CACNA1C: variants seen among roughly 807,000 people sequenced by gnomAD.
CACNA1C encodes the protein voltage-dependent L-type calcium channel subunit alpha-1C.
In CACNA1C, 30 loss-of-function variants were observed where a neutral mutation model predicts 229.0. The observed-to-expected ratio is 0.13, with a 90% CI of 0.10 to 0.18. CACNA1C has a LOEUF of 0.18. Among genes scored for constraint, CACNA1C ranks in the 10% least tolerant of loss-of-function variants. The probability of loss-of-function intolerance (pLI) is 1.00; values close to 1 mark genes in which losing one functional copy is unlikely to be tolerated. For synonymous variants in CACNA1C, 1,114 were observed against 1,132.5 expected, an observed-to-expected ratio of 0.98 and a Z score of 0.33; for missense variants, 1,658 against 2,845.0, an observed-to-expected ratio of 0.58 and a Z score of 9.49.
At chr12:2,242,128 G>A (rs528392669) in intron 3 of CACNA1C, among the ~76,000 whole-genome samples, 125 of 152,018 alleles carry the variant, frequency 8.2e-4, no homozygotes, top group Non-Finnish European at 1.7e-3. Context: ...CCACCTCCAC[G>A]CTCAGTTTTC....
At chr12:2,094,149 G>A (rs909768725) in intron 1 of CACNA1C, among the ~76,000 whole-genome samples, 1 of 152,348 alleles carries the variant, frequency 6.6e-6, no homozygotes, top group East Asian at 1.9e-4. Context: ...AAAGAGCCTG[G>A]TATTCAAGGG....
intron 13 of CACNA1C, among the ~76,000 whole-genome samples, chr12:2,571,428 CTT>C (rs778796391): frequency 3.3e-5 from 5 of 152,142 alleles, no homozygotes; most frequent in Non-Finnish European, 5.9e-5. Flanking sequence ...TTCAATGCCT[CTT>C]AAATAATTCT....
chr12:2,511,366 A>G (rs1416679688), intron 8 of CACNA1C, among the ~76,000 whole-genome samples: 2 of 152,200 alleles, frequency 1.3e-5, no homozygotes, highest in South Asian at 2.1e-4. Context: ...GCTGCCCCAC[A>G]TGACAGTAGA....
chr12:2,307,517 G>A (rs1200154929), intron 3 of CACNA1C, among the ~76,000 whole-genome samples: 2 of 152,138 alleles, frequency 1.3e-5, no homozygotes, highest in African/African-American at 4.8e-5. Flanking sequence ...AGGGTGCTGG[G>A]GCCGAGATTC....
chr12:2,212,886 G>C (rs1008522600), intron 3 of CACNA1C, among the ~76,000 whole-genome samples: 1 of 152,210 alleles, frequency 6.6e-6, no homozygotes, highest in Admixed American at 6.5e-5. Flanking sequence ...TCTGACATCA[G>C]AGCCAAACTG....
intron 3 of CACNA1C, among the ~76,000 whole-genome samples, chr12:2,134,576 G>A (rs2154178398): frequency 7.2e-6 from 1 of 138,082 alleles, no homozygotes; most frequent in African/African-American, 2.7e-5. Flanking sequence ...AGCTTAGCTT[G>A]GCTGGATATG....
chr12:2,058,091 C>T (rs2055940979), intron 1 of CACNA1C, among the ~76,000 whole-genome samples: 1 of 152,180 alleles, frequency 6.6e-6, no homozygotes, highest in Non-Finnish European at 1.5e-5. Context: ...TGATGTTTTC[C>T]AGCGCCTGGC....
Position 2,117,700 on chromosome 12 carries a change from A to G in CACNA1C, c.371+2155A>G, listed in dbSNP as rs372886024. Among the ~76,000 whole-genome samples the G allele has an allele frequency of 4.6e-5, 7 of 152,374 alleles. No homozygotes were observed. The East Asian group carries it at 1.2e-3, about 25-fold the overall frequency. Reference sequence around the variant, plus strand: ...TACTAGGTGGGACCGGTGAGGTCTTAGGAGGATGCTCAGGGCCTGCAGTCC... The same window carrying G: ...TACTAGGTGGGACCGGTGAGGTCTTGGGAGGATGCTCAGGGCCTGCAGTCC... On this transcript the variant is annotated intron_variant, in intron 2 of 46. Coordinates refer to ENST00000399655, the MANE Select transcript of CACNA1C (RefSeq NM_000719.7).
intron 3 of CACNA1C, among the ~76,000 whole-genome samples, chr12:2,210,269 C>T (rs2097879878): frequency 6.6e-6 from 1 of 152,210 alleles, no homozygotes. Context: ...ATTAGGGTCA[C>T]AGACCTTTAT....
At chr12:2,081,862 A>G (rs1378757301) in intron 1 of CACNA1C, among the ~76,000 whole-genome samples, 1 of 152,224 alleles carries the variant, frequency 6.6e-6, no homozygotes, top group Non-Finnish European at 1.5e-5. Context: ...AAGAAAGCAG[A>G]CAGAAATACC....
chr12:2,068,277 T>C (rs936106587), intron 1 of CACNA1C, among the ~76,000 whole-genome samples: 30 of 152,166 alleles, frequency 2.0e-4, no homozygotes, highest in Non-Finnish European at 4.4e-5. Context: ...GACCAGCAGG[T>C]ACCCCCCAGA....
chr12:2,354,624 G>A lies in CACNA1C; in HGVS notation c.478-94352G>A, dbSNP rs180995307. ...CTTCTGGTTGGGAGAGCCCAGGAAC[G>A]GAGTCCATCCTTTCTCCTGGCCTCC... On this transcript the variant is annotated intron_variant, in intron 3 of 46. Transcript: ENST00000399655. The surrounding 1 kb of genome is among the most constrained non-coding windows in gnomAD (Gnocchi z 4.6). 1.1e-4 allele frequency among the ~76,000 whole-genome samples: 16 copies of A among 152,288 alleles called. No homozygotes were observed. Among genetic ancestry groups the A allele is most frequent in the Non-Finnish European group, 2.1e-4 (14 of 68,010 alleles).
chr12:2,461,382 G>A (rs181715577), intron 5 of CACNA1C, among the ~76,000 whole-genome samples: 14 of 152,222 alleles, frequency 9.2e-5, no homozygotes, highest in East Asian at 5.8e-4. Flanking sequence ...GCTGACTTCT[G>A]TCTCATCTTC....
chr12:2,438,595 G>A (rs2099181228), intron 3 of CACNA1C, among the ~76,000 whole-genome samples: 1 of 152,188 alleles, frequency 6.6e-6, no homozygotes, highest in South Asian at 2.1e-4. Flanking sequence ...TTTGGGTGTG[G>A]TGAGCCTTTG....
intron 3 of CACNA1C, among the ~76,000 whole-genome samples, chr12:2,392,892 C>T (rs4441076): frequency 0.43 from 64,909 of 151,952 alleles, 13,995 homozygotes; most frequent in South Asian, 0.46. Context: ...TCTTTATGTC[C>T]ATCTGGGCTT....
intron 3 of CACNA1C, among the ~76,000 whole-genome samples, chr12:2,163,438 C>T (rs1171616917): frequency 6.6e-6 from 1 of 152,018 alleles, no homozygotes; most frequent in Non-Finnish European, 1.5e-5. Context: ...ACCCAGCGCT[C>T]CTTTTTTTTT....
chr12:2,233,272 TGGGGGTAATTTCAA>T (rs1310061375), intron 3 of CACNA1C, among the ~76,000 whole-genome samples: 1 of 152,238 alleles, frequency 6.6e-6, no homozygotes, highest in Non-Finnish European at 1.5e-5. Flanking sequence ...GTGACTCATC[TGGGGGTAATTTCAA>T]ATTCTATTGA....
rs1312249420 is a variant in CACNA1C at position 2,319,568 on chromosome 12, G to A, written c.478-129408G>A. 6.6e-6 allele frequency among the ~76,000 whole-genome samples: 1 copy of A among 152,172 alleles called. No homozygotes were observed. The highest frequency in any genetic ancestry group is 1.5e-5 in the Non-Finnish European group (1 of 68,028). On this transcript the variant is annotated intron_variant, in intron 3 of 46. Coordinates refer to ENST00000399655, the MANE Select transcript of CACNA1C (RefSeq NM_000719.7). This position sits in a 1 kb window ranked among gnomAD's most constrained non-coding sequence, Gnocchi z 4.0. The stretch of plus-strand genomic sequence containing the variant: ...GGTCTCCACTCAGGGGCATTGCCGG[G>A]TGAGCCTGAGATAAGGGTGTAGCTC...
At chr12:2,473,410 C>T (rs954226129) in intron 5 of CACNA1C, among the ~76,000 whole-genome samples, 1 of 152,166 alleles carries the variant, frequency 6.6e-6, no homozygotes, top group African/African-American at 2.4e-5. Context: ...TGAACTGTAG[C>T]TCTTTGTGCT....
Sources: gnomAD v4.1 joint callset for allele counts (sites outside exome capture counted in the v4.1 genomes callset) on GRCh38, gnomAD v4.1.1 for gene constraint, Gnocchi (gnomAD v3.1) non-coding constraint, MANE v1.5 for transcripts, NCBI Gene and HGNC (gene_info 2026-07-23, HGNC 2026-07-21) for gene names.